The following DLGAP2 variants were observed in gnomAD, a reference collection of about 807,000 sequenced individuals.
DLGAP2 encodes disks large-associated protein 2.
A neutral mutation model predicts 100.3 loss-of-function variants in DLGAP2; 26 were observed. That is an observed-to-expected ratio of 0.26 (90% CI 0.19 to 0.36). DLGAP2 has a LOEUF of 0.36. DLGAP2 is among the 10% of genes least tolerant of loss of function. The probability of loss-of-function intolerance (pLI) is 1.00; values close to 1 mark genes in which losing one functional copy is unlikely to be tolerated. For missense variants in DLGAP2, 1,858 were observed against 1,453.2 expected, an observed-to-expected ratio of 1.28 and a Z score of -4.53; for synonymous variants, 886 against 630.1, an observed-to-expected ratio of 1.41 and a Z score of -6.08.
chr8:748,399 G>T (rs1329426523), intron 1 of DLGAP2, among the ~76,000 whole-genome samples: 2 of 152,026 alleles, frequency 1.3e-5, no homozygotes, highest in African/African-American at 2.4e-5. Context: ...CAGCTCAGCC[G>T]CATGCTCCAC....
chr8:1,406,908 C>A (rs74818054), intron 3 of DLGAP2, among the ~76,000 whole-genome samples: 3 of 36,078 alleles, frequency 8.3e-5, no homozygotes, highest in Admixed American at 2.9e-4. Flanking sequence ...ACTGAGCGCT[C>A]CCTCCTTGTC....
chr8:1,630,014 A>G (rs1230405723), intron 7 of DLGAP2, among the ~76,000 whole-genome samples: 2 of 152,212 alleles, frequency 1.3e-5, no homozygotes, highest in East Asian at 3.9e-4. Context: ...ATTGGAAACA[A>G]TGGTTAAGCA....
chr8:800,782 T>C (rs1380081681), intron 1 of DLGAP2, among the ~76,000 whole-genome samples: 1 of 152,156 alleles, frequency 6.6e-6, no homozygotes, highest in East Asian at 1.9e-4. Context: ...ACATATGTTT[T>C]CTGAGAGTGG....
intron 1 of DLGAP2, among the ~76,000 whole-genome samples, chr8:815,319 C>T (rs187690163): frequency 6.6e-6 from 1 of 152,190 alleles, no homozygotes; most frequent in Admixed American, 6.5e-5. Flanking sequence ...AGGAGCAGAA[C>T]ACCCTGTTCC....
chr8:1,074,392 A>T (rs996040192), intron 2 of DLGAP2, among the ~76,000 whole-genome samples: 2 of 152,242 alleles, frequency 1.3e-5, no homozygotes, highest in African/African-American at 4.8e-5. Context: ...GCAGCACAGA[A>T]TTTCTCTTCA....
At chr8:1,229,875 T>C (rs1798499095) in intron 2 of DLGAP2, among the ~76,000 whole-genome samples, 1 of 152,036 alleles carries the variant, frequency 6.6e-6, no homozygotes, top group African/African-American at 2.4e-5. Flanking sequence ...TACCTCAAAA[T>C]AATAAGTGCC....
At position 1,585,109 on chromosome 8, in the gene DLGAP2, T is replaced by C. The variant is rs555042289; in HGVS notation, c.1442+19215T>C. 6.6e-5 allele frequency among the ~76,000 whole-genome samples: 10 copies of C among 152,340 alleles called. No individual in the cohort carries two copies. In the East Asian group the frequency reaches 7.7e-4, roughly 12 times the overall value. On this transcript the variant is annotated intron_variant, in intron 6 of 14. Coordinates refer to ENST00000637795, the MANE Select transcript of DLGAP2 (RefSeq NM_001346810.2). The stretch of plus-strand genomic sequence containing the variant: ...AGTTTTTGGCCTGCTACAACTGATA[T>C]TGTTTTCATGAAGACCTTAGTTAAG...
intron 1 of DLGAP2, among the ~76,000 whole-genome samples, chr8:829,356 G>A (rs1458163947): frequency 2.0e-5 from 3 of 152,198 alleles, no homozygotes. Context: ...ACCCATGAAG[G>A]TGACAAATGC....
chr8:999,211 C>A (rs185909466), intron 2 of DLGAP2, among the ~76,000 whole-genome samples: 241 of 151,988 alleles, frequency 1.6e-3, no homozygotes, highest in African/African-American at 5.5e-3. Context: ...ACTTTCTCCT[C>A]CCGTGTCGGT....
chr8:1,103,263 G>C (rs1804645112), intron 2 of DLGAP2, among the ~76,000 whole-genome samples: 1 of 152,190 alleles, frequency 6.6e-6, no homozygotes, highest in South Asian at 2.1e-4. Context: ...GGCTCTGTTG[G>C]ATTCATGTGG....
intron 5 of DLGAP2, among the ~76,000 whole-genome samples, chr8:1,555,744 C>G (rs763021857): frequency 1.3e-4 from 20 of 152,240 alleles, no homozygotes; most frequent in Non-Finnish European, 2.4e-4. Context: ...TGTGTCACAT[C>G]TCAGTGACAT....
At chr8:772,445 C>G (rs1821388019) in intron 1 of DLGAP2, among the ~76,000 whole-genome samples, 1 of 152,240 alleles carries the variant, frequency 6.6e-6, no homozygotes, top group East Asian at 1.9e-4. Context: ...GCTGCAACCT[C>G]CTGAGTAGCT....
chr8:1,528,853 G>T (rs1030513109), intron 4 of DLGAP2, among the ~76,000 whole-genome samples: 2 of 152,188 alleles, frequency 1.3e-5, no homozygotes, highest in African/African-American at 4.8e-5. Context: ...ACAAATGCTT[G>T]ATTTCCTAGG....
intron 2 of DLGAP2, among the ~76,000 whole-genome samples, chr8:1,171,753 C>T (rs1039281576): frequency 6.6e-6 from 1 of 151,672 alleles, no homozygotes; most frequent in East Asian, 1.9e-4. Context: ...TTCCTCCATC[C>T]TTTTATTTTG....
intron 2 of DLGAP2, among the ~76,000 whole-genome samples, chr8:1,144,129 A>C (rs2129050798): frequency 6.6e-6 from 1 of 152,282 alleles, no homozygotes; most frequent in South Asian, 2.1e-4. Context: ...TAATGAGGGG[A>C]GTCACGGAAG....
At chr8:1,364,390 C>G (rs905213426) in intron 3 of DLGAP2, among the ~76,000 whole-genome samples, 1 of 152,032 alleles carries the variant, frequency 6.6e-6, no homozygotes, top group Non-Finnish European at 1.5e-5. Flanking sequence ...GAGGAGTGGT[C>G]TCCTGCTGTG....
At chr8:1,675,207 G>C (rs971354258) in intron 10 of DLGAP2, among the ~76,000 whole-genome samples, 1 of 152,198 alleles carries the variant, frequency 6.6e-6, no homozygotes, top group South Asian at 2.1e-4. Flanking sequence ...CTGGATCCAC[G>C]GCGGCGGCCG....
chr8:794,010 GT>G (rs1237056100), intron 1 of DLGAP2, among the ~76,000 whole-genome samples: 2 of 152,180 alleles, frequency 1.3e-5, no homozygotes, highest in African/African-American at 2.4e-5. Context: ...GGTGGGGGGT[GT>G]TTCTAGCTGC....
intron 6 of DLGAP2, among the ~76,000 whole-genome samples, chr8:1,586,052 A>C (rs1321411016): frequency 6.6e-6 from 1 of 152,228 alleles, no homozygotes; most frequent in Non-Finnish European, 1.5e-5. Flanking sequence ...CGTTGCTGTC[A>C]TAAAAACTGC....
Sources: gnomAD v4.1 joint callset for allele counts (sites outside exome capture counted in the v4.1 genomes callset) on GRCh38, gnomAD v4.1.1 for gene constraint, MANE v1.5 for transcripts, NCBI Gene and HGNC (gene_info 2026-07-23, HGNC 2026-07-21) for gene names.